CNTN4: variants seen among roughly 807,000 people sequenced by gnomAD.
CNTN4 encodes contactin-4.
In CNTN4, 77 loss-of-function variants were observed where a neutral mutation model predicts 122.5. The observed-to-expected ratio is 0.63, with a 90% confidence interval of 0.52 to 0.76. The LOEUF is 0.76. Ranked by LOEUF, CNTN4 falls within the 30% of genes least tolerant of loss-of-function variation. The pLI, the probability that CNTN4 is intolerant of heterozygous loss-of-function variation, is 0.00. For missense variants in CNTN4, 1,256 were observed against 1,259.1 expected (o/e 1.00, Z 0.04); for synonymous variants, 512 against 447.0 (o/e 1.15, Z -1.83).
intron 3 of CNTN4, among the ~76,000 whole-genome samples, chr3:2,470,065 G>C (rs1047248066): frequency 6.7e-6 from 1 of 149,766 alleles, no homozygotes; most frequent in Non-Finnish European, 1.5e-5. Context: ...GGTATATGTT[G>C]CTTTCTTTTT....
chr3:2,124,468 ACACAC>A (rs1437716257), intron 2 of CNTN4, among the ~76,000 whole-genome samples: 22 of 147,398 alleles, frequency 1.5e-4, no homozygotes, highest in South Asian at 6.8e-4. Context: ...ACACACACAC[ACACAC>A]CCCCTTAAGC....
intron 2 of CNTN4, among the ~76,000 whole-genome samples, chr3:2,277,550 C>T (rs1221795223): frequency 3.9e-5 from 6 of 152,278 alleles, no homozygotes; most frequent in East Asian, 1.9e-4. Context: ...CTCTTGCCAA[C>T]GTTCACAGCT....
chr3:2,430,864 T>A (rs1262017171), intron 3 of CNTN4, among the ~76,000 whole-genome samples: 1 of 152,188 alleles, frequency 6.6e-6, no homozygotes, highest in Non-Finnish European at 1.5e-5. Context: ...GTGCTCAAAT[T>A]ATGCAACAGA....
intron 10 of CNTN4, among the ~76,000 whole-genome samples, chr3:2,887,910 T>C (rs2093996991): frequency 1.3e-5 from 2 of 152,216 alleles, no homozygotes; most frequent in Admixed American, 1.3e-4. Flanking sequence ...GATAGGCATT[T>C]TGAAAGCAAA....
intron 7 of CNTN4, among the ~76,000 whole-genome samples, chr3:2,856,887 G>A (rs1364335819): frequency 1.3e-5 from 2 of 152,228 alleles, no homozygotes; most frequent in Admixed American, 6.5e-5. Context: ...GACTCACAGA[G>A]GATTTGTGTG....
intron 6 of CNTN4, among the ~76,000 whole-genome samples, chr3:2,763,784 A>G (rs1169980835): frequency 6.6e-6 from 1 of 152,102 alleles, no homozygotes; most frequent in Non-Finnish European, 1.5e-5. Flanking sequence ...TGAAGGTGAG[A>G]TCGTTGCAGG....
intron 7 of CNTN4, among the ~76,000 whole-genome samples, chr3:2,846,694 A>G (rs1177074630): frequency 6.6e-6 from 1 of 152,224 alleles, no homozygotes; most frequent in Non-Finnish European, 1.5e-5. Flanking sequence ...TACACTGCCA[A>G]GAATAACTGA....
At chr3:2,347,316 G>A (rs116375055) in intron 3 of CNTN4, among the ~76,000 whole-genome samples, 3,119 of 149,542 alleles carry the variant, frequency 0.021, 109 homozygotes, top group African/African-American at 0.074. Context: ...GGCTCAGAAA[G>A]CTTCCTCCCG....
At chr3:2,179,979 G>C (rs867780090) in intron 2 of CNTN4, among the ~76,000 whole-genome samples, 2 of 151,742 alleles carry the variant, frequency 1.3e-5, no homozygotes, top group African/African-American at 2.4e-5. Flanking sequence ...ATCTAGTGTA[G>C]ATTTTACTTA....
chr3:2,636,746 G>A (rs2082673353), intron 4 of CNTN4, among the ~76,000 whole-genome samples: 1 of 152,038 alleles, frequency 6.6e-6, no homozygotes, highest in African/African-American at 2.4e-5. Flanking sequence ...TTTATGAAGA[G>A]TGTTTTCTAG....
At chr3:2,176,887 A>C (rs1445352403) in intron 2 of CNTN4, among the ~76,000 whole-genome samples, 1 of 152,196 alleles carries the variant, frequency 6.6e-6, no homozygotes, top group Non-Finnish European at 1.5e-5. Context: ...TTATAAGAAT[A>C]TTTTGAGAAA....
At chr3:2,297,396 A>G (rs1245812079) in intron 2 of CNTN4, among the ~76,000 whole-genome samples, 1 of 152,234 alleles carries the variant, frequency 6.6e-6, no homozygotes, top group Non-Finnish European at 1.5e-5. Context: ...TACATTAAAA[A>G]TTACAGAATT....
intron 15 of CNTN4, among the ~76,000 whole-genome samples, chr3:3,027,090 C>G (rs9870617): frequency 2.6e-5 from 4 of 152,068 alleles, no homozygotes; most frequent in African/African-American, 9.7e-5. Context: ...CTGTCCACCC[C>G]CTTTACGTTG....
At chr3:2,885,844 T>C (rs576972030) in intron 9 of CNTN4, among the ~76,000 whole-genome samples, 4 of 152,280 alleles carry the variant, frequency 2.6e-5, no homozygotes, top group African/African-American at 7.2e-5. Flanking sequence ...CTCACACACA[T>C]TTCTGGTATT....
chr3:2,185,698 T>C (rs967476365), intron 2 of CNTN4, among the ~76,000 whole-genome samples: 3 of 152,154 alleles, frequency 2.0e-5, no homozygotes, highest in Non-Finnish European at 2.9e-5. Flanking sequence ...CGGGGTGTGA[T>C]TTCCAGAGAT....
intron 4 of CNTN4, among the ~76,000 whole-genome samples, chr3:2,572,518 A>C (rs1352844338): frequency 6.6e-6 from 1 of 152,248 alleles, no homozygotes; most frequent in Admixed American, 6.5e-5. Context: ...TCCAGCATGC[A>C]GCGGGAATTG....
At chr3:2,153,980 C>G (rs1430607290) in intron 2 of CNTN4, among the ~76,000 whole-genome samples, 1 of 152,154 alleles carries the variant, frequency 6.6e-6, no homozygotes, top group Non-Finnish European at 1.5e-5. Context: ...TTCTCTTTAG[C>G]TCTACCTTAT....
chr3:2,931,194 C>A (rs2094517253), intron 13 of CNTN4, among the ~76,000 whole-genome samples: 1 of 152,142 alleles, frequency 6.6e-6, no homozygotes, highest in Admixed American at 6.5e-5. Flanking sequence ...ACGTGGATCA[C>A]ATCAGTCTCC....
intron 2 of CNTN4, among the ~76,000 whole-genome samples, chr3:2,307,294 G>T (rs2042745392): frequency 6.6e-6 from 1 of 152,122 alleles, no homozygotes; most frequent in Non-Finnish European, 1.5e-5. Flanking sequence ...ATGTAGCCGG[G>T]CGTGGTGGCG....
Sources: gnomAD v4.1 joint callset for allele counts (sites outside exome capture counted in the v4.1 genomes callset) on GRCh38, gnomAD v4.1.1 for gene constraint, MANE v1.5 for transcripts, NCBI Gene and HGNC (gene_info 2026-07-23, HGNC 2026-07-21) for gene names.